Variants in WASHC2C observed in about 807,000 individuals in gnomAD.
WASHC2C encodes the protein Vaccinia Penetration Factor.
Under a neutral mutation model 142.2 loss-of-function variants are expected in WASHC2C, and 73 were observed. The observed-to-expected ratio is 0.51, with a 90% CI of 0.43 to 0.62. WASHC2C has a LOEUF of 0.62. Among genes scored for constraint, WASHC2C ranks in the 20% least tolerant of loss-of-function variants. WASHC2C has a pLI of 0.00. For synonymous variants in WASHC2C, 337 were observed against 565.5 expected, an observed-to-expected ratio of 0.60 and a Z score of 5.73; for missense variants, 969 against 1,531.7, an observed-to-expected ratio of 0.63 and a Z score of 6.13.
intron 21 of WASHC2C, among the ~76,000 whole-genome samples, chr10:45,776,274 C>T (rs1449691365): frequency 2.6e-5 from 4 of 152,252 alleles, no homozygotes; most frequent in Non-Finnish European, 4.4e-5. Context: ...CACACTTCCT[C>T]GTGTCATATG....
rs1344849470 is a variant in WASHC2C at position 45,789,123 on chromosome 10, A to C, written c.3340A>C (p.Ser1114Arg). Residue 1114 changes from serine to arginine, a missense_variant, in exon 29 of 31, where the codon AGC (serine) becomes CGC (arginine). Ser to Arg is a moderately radical substitution (Grantham distance 110, BLOSUM62 -1). Transcript: ENST00000623400. ...EGGPVPGVDT[S>R]PFAKSLGHSR... ...TGGTCCTGTGCCTGGAGTGGACACA[A>C]GCCCCTTTGCAAAGTCTCTGGGTCA... 10 of 1,611,956 alleles carry C rather than the reference A, an allele frequency of 6.2e-6. No homozygotes were observed. The highest frequency in any genetic ancestry group is 4.5e-4 in the Middle Eastern group (2 of 4,452).
At chr10:45,738,649 G>A (rs1554865871) in intron 4 of WASHC2C, among the ~76,000 whole-genome samples, 1 of 152,122 alleles carries the variant, frequency 6.6e-6, no homozygotes, top group Non-Finnish European at 1.5e-5. Flanking sequence ...ACCAGCTATA[G>A]TTCTGCCTGT....
chr10:45,768,776 G>A (rs1185828960), intron 19 of WASHC2C, among the ~76,000 whole-genome samples: 1 of 151,844 alleles, frequency 6.6e-6, no homozygotes, highest in East Asian at 1.9e-4. Flanking sequence ...ATTCTTCTCT[G>A]GAGTTGGAAG....
intron 25 of WASHC2C, 119 bp from the exon 26 acceptor site, chr10:45,785,390 G>A (rs1307636222): frequency 8.5e-6 from 10 of 1,176,826 alleles, no homozygotes; most frequent in Non-Finnish European, 1.2e-5. Context: ...AGTTGGTTCA[G>A]CCCTCATTTG....
intron 3 of WASHC2C, among the ~76,000 whole-genome samples, chr10:45,733,615 C>T (rs1305524874): frequency 2.6e-5 from 4 of 152,258 alleles, no homozygotes; most frequent in African/African-American, 9.6e-5. Context: ...TAGTCCTGCT[C>T]ACCCTGAAAA....
intron 11 of WASHC2C, among the ~76,000 whole-genome samples, chr10:45,752,190 G>A (rs1448992596): frequency 7.1e-6 from 1 of 141,234 alleles, no homozygotes; most frequent in Non-Finnish European, 1.6e-5. Context: ...CAGCCATGTC[G>A]ATTACATTAG....
At chr10:45,761,054 T>C (rs1337926542) in intron 17 of WASHC2C, among the ~76,000 whole-genome samples, 1 of 151,976 alleles carries the variant, frequency 6.6e-6, no homozygotes, top group African/African-American at 2.4e-5. Context: ...AACCTAGTGG[T>C]TCATAACACC....
intron 21 of WASHC2C, among the ~76,000 whole-genome samples, chr10:45,775,190 C>A (rs1490975755): frequency 6.7e-6 from 1 of 148,932 alleles, no homozygotes; most frequent in Non-Finnish European, 1.5e-5. Context: ...TGACACCTAT[C>A]AAGAAAGTAA....
intron 12 of WASHC2C, 111 bp downstream of exon 12, chr10:45,752,817 AGTT>A: frequency 1.4e-6 from 1 of 699,284 alleles, no homozygotes; most frequent in Non-Finnish European, 2.3e-6. Flanking sequence ...CTCAGTTGGA[AGTT>A]GCTTCTATTT....
intron 13 of WASHC2C, 130 bp downstream of exon 13, chr10:45,753,367 G>A (rs189197527): frequency 1.7e-5 from 17 of 992,666 alleles, no homozygotes; most frequent in African/African-American, 1.7e-4. Context: ...TTTTTACTGC[G>A]GTCCAGTTGA....
rs559598129 is a variant in WASHC2C at position 45,728,825 on chromosome 10, A to G, written c.127-37A>G. ...TGTGACATGCAGAATAGTTACATGTAACATTGATACTACTGTATGTTTATT... is the reference window on the plus strand; with the variant it reads ...TGTGACATGCAGAATAGTTACATGTGACATTGATACTACTGTATGTTTATT... On this transcript the variant is annotated intron_variant, in intron 2 of 30. Transcript: ENST00000623400. The G allele has an allele frequency of 5.6e-5, 90 of 1,598,106 alleles. No individual in the cohort carries two copies. In the East Asian group the frequency reaches 1.8e-3, roughly 32 times the overall value.
At chr10:45,767,041 C>G (rs1418854043) in intron 19 of WASHC2C, among the ~76,000 whole-genome samples, 7 of 151,806 alleles carry the variant, frequency 4.6e-5, no homozygotes. Flanking sequence ...CTGAGGCAGG[C>G]AGATCACTTG....
At chr10:45,760,008 G>A (rs1415503111) in intron 17 of WASHC2C, among the ~76,000 whole-genome samples, 4 of 149,274 alleles carry the variant, frequency 2.7e-5, no homozygotes, top group Non-Finnish European at 1.5e-5. Context: ...TTGCACCAGA[G>A]TGGAGGTCAC....
Position 45,746,604 on chromosome 10 carries a change from C to T in WASHC2C, c.689C>T (p.Ser230Leu), listed in dbSNP as rs782371295. Residue 230 changes from serine to leucine, a missense_variant, in exon 8 of 31, where the codon TCA becomes TTA. Physicochemically the swap from Ser to Leu is moderately radical, Grantham distance 145 (BLOSUM62 -2). Transcript: ENST00000623400. ...DTEEEKEEEE[S>L]DEDFAHHSDN... ...AGCCTTTTCTTACCCATAAAGGAGT[C>T]AGATGAAGATTTTGCCCATCACAGT... is the stretch of plus-strand genomic sequence containing the variant. 9 of 1,613,398 alleles carry T rather than the reference C, an allele frequency of 5.6e-6. No individual in the cohort carries two copies. Among genetic ancestry groups the T allele is most frequent in the Middle Eastern group, 1.6e-4 (1 of 6,072 alleles).
intron 23 of WASHC2C, among the ~76,000 whole-genome samples, chr10:45,784,311 T>TATATATATAC (rs200659699): frequency 1.9e-4 from 11 of 58,132 alleles, no homozygotes; most frequent in East Asian, 2.1e-3. Flanking sequence ...TATATATATA[T>TATATATATAC]ACACACACAT....
chr10:45,730,327 A>C (rs1248252155), intron 3 of WASHC2C, among the ~76,000 whole-genome samples: 18 of 147,252 alleles, frequency 1.2e-4, no homozygotes, highest in Non-Finnish European at 2.4e-4. Flanking sequence ...AGCCTGGGCA[A>C]TAAGAGCGAA....
At chr10:45,785,277 G>C (rs2057947687) in intron 25 of WASHC2C, among the ~76,000 whole-genome samples, 1 of 152,088 alleles carries the variant, frequency 6.6e-6, no homozygotes, top group African/African-American at 2.4e-5. Flanking sequence ...TTCTCCCCCA[G>C]CCCCAGTAGG....
intron 23 of WASHC2C, among the ~76,000 whole-genome samples, chr10:45,784,293 C>CATATAT (rs1286811903): frequency 0.22 from 13,557 of 62,072 alleles, 1,780 homozygotes; most frequent in Non-Finnish European, 0.29. Context: ...TATATATACA[C>CATATAT]ATATATATAT....
At chr10:45,739,826 C>T (rs1419515524) in intron 4 of WASHC2C, among the ~76,000 whole-genome samples, 19 of 151,882 alleles carry the variant, frequency 1.3e-4, no homozygotes, top group Non-Finnish European at 2.2e-4. Context: ...CTTTTGTAGA[C>T]GATGACCCTT....
Sources: gnomAD v4.1 joint callset for allele counts (sites outside exome capture counted in the v4.1 genomes callset) on GRCh38, gnomAD v4.1.1 for gene constraint, MANE v1.5 for transcripts, NCBI Gene and HGNC (gene_info 2026-07-23, HGNC 2026-07-21) for gene names.